The following PPP1R9A variants were observed in gnomAD, a reference collection of about 807,000 sequenced individuals.
The protein encoded by PPP1R9A is protein phosphatase 1 regulatory subunit 9A.
In PPP1R9A, 59 loss-of-function variants were observed where a neutral mutation model predicts 141.9. The ratio of observed to expected loss-of-function variants is 0.42; its 90% CI spans 0.34 to 0.52. The LOEUF is 0.52. Ranked by LOEUF, PPP1R9A falls within the 20% of genes least tolerant of loss-of-function variation. The probability of loss-of-function intolerance (pLI) is 0.10; values close to 1 mark genes in which losing one functional copy is unlikely to be tolerated. For synonymous variants in PPP1R9A, 500 were observed against 569.7 expected (o/e 0.88, Z 1.74); for missense variants, 1,444 against 1,611.9 (o/e 0.90, Z 1.78).
chr7:94,994,792 G>T (rs1801960867), intron 2 of PPP1R9A, among the ~76,000 whole-genome samples: 1 of 151,850 alleles, frequency 6.6e-6, no homozygotes. Flanking sequence ...TACTTGGGAG[G>T]CTGAGGCAGG....
At chr7:94,963,826 A>G (rs1226757908) in intron 2 of PPP1R9A, among the ~76,000 whole-genome samples, 1 of 152,126 alleles carries the variant, frequency 6.6e-6, no homozygotes, top group East Asian at 1.9e-4. Flanking sequence ...AAAAACCACA[A>G]TAAGTGATGC....
At chr7:95,208,956 T>TAAAAAAAAA (rs10670515) in intron 7 of PPP1R9A, among the ~76,000 whole-genome samples, 33 of 76,890 alleles carry the variant, frequency 4.3e-4, no homozygotes, top group African/African-American at 1.5e-3. Flanking sequence ...ATAGCAAAAC[T>TAAAAAAAAA]AAAAAAAAAA....
intron 2 of PPP1R9A, among the ~76,000 whole-genome samples, chr7:95,087,533 A>C (rs1816784412): frequency 6.6e-6 from 1 of 152,026 alleles, no homozygotes. Flanking sequence ...AAACATGATG[A>C]AATATTGATA....
rs560937074 is a variant in PPP1R9A, at chr7:95,235,824, A to C, written c.2112+9708A>C. Among the ~76,000 whole-genome samples the C allele has an allele frequency of 3.3e-5, 5 of 152,338 alleles. No homozygotes were observed. In the East Asian group the frequency reaches 9.6e-4, roughly 29 times the overall value. Reference sequence around the variant, plus strand: ...GAATACTACTCAGCCATAAAGAGGAAAGAAATAATGGCATTCACAGCAACC... The same window carrying C: ...GAATACTACTCAGCCATAAAGAGGACAGAAATAATGGCATTCACAGCAACC... On this transcript the variant is annotated intron_variant, in intron 8 of 19. Transcript: ENST00000433360.
At chr7:95,070,611 A>ATATATATATATATG (rs1813671815) in intron 2 of PPP1R9A, among the ~76,000 whole-genome samples, 1 of 108,888 alleles carries the variant, frequency 9.2e-6, no homozygotes, top group African/African-American at 3.0e-5. Flanking sequence ...ATATATATAT[A>ATATATATATATATG]CACACACACA....
At chr7:95,241,100 C>T (rs190006388) in intron 8 of PPP1R9A, among the ~76,000 whole-genome samples, 141 of 152,138 alleles carry the variant, frequency 9.3e-4, no homozygotes, top group Non-Finnish European at 2.9e-5. Context: ...TCAGATACTC[C>T]CAAGTATTGC....
At chr7:95,069,295 C>G (rs1400373132) in intron 2 of PPP1R9A, among the ~76,000 whole-genome samples, 5 of 152,032 alleles carry the variant, frequency 3.3e-5, no homozygotes, top group Non-Finnish European at 7.4e-5. Context: ...GAGGATTACA[C>G]TTTGTTATAT....
At chr7:95,089,730 T>A (rs1461904485) in intron 2 of PPP1R9A, among the ~76,000 whole-genome samples, 1 of 151,880 alleles carries the variant, frequency 6.6e-6, no homozygotes, top group African/African-American at 2.4e-5. Context: ...CGTTTTTTTT[T>A]TTCTGAATTA....
intron 2 of PPP1R9A, among the ~76,000 whole-genome samples, chr7:95,087,918 A>C (rs1301349050): frequency 6.6e-6 from 1 of 151,912 alleles, no homozygotes; most frequent in Non-Finnish European, 1.5e-5. Flanking sequence ...AGAGAAAAAA[A>C]AAAAAAGGAA....
At chr7:94,944,878 CAA>C (rs1795730273) in intron 2 of PPP1R9A, among the ~76,000 whole-genome samples, 2 of 151,802 alleles carry the variant, frequency 1.3e-5, no homozygotes, top group African/African-American at 4.8e-5. Context: ...AATTCTTAAA[CAA>C]ATTTTGGATT....
chr7:95,206,532 C>T (rs904962686), intron 7 of PPP1R9A, among the ~76,000 whole-genome samples: 1 of 152,040 alleles, frequency 6.6e-6, no homozygotes, highest in Non-Finnish European at 1.5e-5. Flanking sequence ...TGAGTAACCA[C>T]CACCATAATC....
intron 2 of PPP1R9A, among the ~76,000 whole-genome samples, chr7:94,979,332 A>G (rs1383395718): frequency 6.6e-6 from 1 of 152,220 alleles, no homozygotes; most frequent in Non-Finnish European, 1.5e-5. Flanking sequence ...TATATCCTGT[A>G]TATCTCCATT....
chr7:95,198,481 CGAG>C lies in PPP1R9A; in HGVS notation c.1889_1890+1del, dbSNP rs1836614243. 6.3e-7 allele frequency: 1 copy of C among 1,586,332 alleles called. No individual in the cohort carries two copies. The highest frequency in any genetic ancestry group is 1.4e-5 in the African/African-American group (1 of 73,602). On this transcript the variant is annotated inframe_deletion and splice_region_variant, in exon 6 of 20. Coordinates refer to ENST00000433360, the MANE Select transcript of PPP1R9A (RefSeq NM_001166160.2). Reference sequence around the variant, plus strand: ...ATGCCCAGTATGATGCCGACGATGACGAGGTCAGTAGTGCTTGCAAAGATTCTT... The same window carrying C: ...ATGCCCAGTATGATGCCGACGATGACGTCAGTAGTGCTTGCAAAGATTCTT...
intron 6 of PPP1R9A, among the ~76,000 whole-genome samples, chr7:95,200,267 C>CT (rs1447207172): frequency 2.0e-5 from 3 of 148,964 alleles, no homozygotes; most frequent in Non-Finnish European, 4.5e-5. Context: ...TAAAATTTTG[C>CT]TCTTTTTTTT....
chr7:95,085,690 C>T (rs771675466), intron 2 of PPP1R9A, among the ~76,000 whole-genome samples: 3 of 151,038 alleles, frequency 2.0e-5, no homozygotes, highest in Non-Finnish European at 4.4e-5. Context: ...GCTGAGATTA[C>T]AGGCATGAGC....
chr7:95,054,036 A>G (rs1811156955), intron 2 of PPP1R9A, among the ~76,000 whole-genome samples: 2 of 152,134 alleles, frequency 1.3e-5, no homozygotes, highest in Non-Finnish European at 2.9e-5. Context: ...GTATACAGAG[A>G]AGCATGACAT....
intron 2 of PPP1R9A, among the ~76,000 whole-genome samples, chr7:95,072,960 T>A (rs2152196763): frequency 7.6e-6 from 1 of 131,092 alleles, no homozygotes; most frequent in African/African-American, 2.9e-5. Context: ...TATTATAATA[T>A]GTTATATATA....
At chr7:95,249,955 G>A in intron 9 of PPP1R9A, 71 bp from the exon 10 acceptor site, 1 of 1,472,868 alleles carries the variant, frequency 6.8e-7, no homozygotes, top group East Asian at 2.5e-5. Flanking sequence ...TCTACAACAT[G>A]CTATAAAAAT....
At chr7:94,987,583 C>T (rs1801007515) in intron 2 of PPP1R9A, among the ~76,000 whole-genome samples, 1 of 152,072 alleles carries the variant, frequency 6.6e-6, no homozygotes, top group African/African-American at 2.4e-5. Context: ...CATACCCTTA[C>T]CCTAAAAGTG....
Sources: gnomAD v4.1 joint callset for allele counts (sites outside exome capture counted in the v4.1 genomes callset) on GRCh38, gnomAD v4.1.1 for gene constraint, MANE v1.5 for transcripts, NCBI Gene and HGNC (gene_info 2026-07-23, HGNC 2026-07-21) for gene names.